The following GUCY1B1 variants were observed in gnomAD, a reference collection of about 807,000 sequenced individuals.
The protein encoded by GUCY1B1 is guanylate cyclase 1 soluble subunit beta 1, also known as guanylate cyclase soluble subunit beta-1.
A neutral mutation model predicts 71.0 loss-of-function variants in GUCY1B1; 43 were observed. The ratio of observed to expected loss-of-function variants is 0.61; its 90% CI spans 0.47 to 0.78. The LOEUF (loss-of-function observed/expected upper bound fraction) is 0.78, where lower values mean the gene tolerates loss of function less well. Among genes scored for constraint, GUCY1B1 ranks in the 30% least tolerant of loss-of-function variants. The probability of loss-of-function intolerance (pLI) is 0.00; values close to 1 mark genes in which losing one functional copy is unlikely to be tolerated. For missense variants in GUCY1B1, 535 were observed against 754.1 expected, an observed-to-expected ratio of 0.71 and a Z score of 3.40; for synonymous variants, 266 against 259.7, an observed-to-expected ratio of 1.02 and a Z score of -0.23.
At position 155,776,497 on chromosome 4, in the gene GUCY1B1, C is replaced by A. The variant is rs967215853; in HGVS notation, c.179-1027C>A. On this transcript the variant is annotated intron_variant, in intron 3 of 13. Coordinates refer to ENST00000264424, the MANE Select transcript of GUCY1B1 (RefSeq NM_000857.5). ...CCATCCTGGCCAACATGGTGAAACCCCCTCTCTACTAAAAATACAAAAATT... is the reference window on the plus strand; with the variant it reads ...CCATCCTGGCCAACATGGTGAAACCACCTCTCTACTAAAAATACAAAAATT... Among the ~76,000 whole-genome samples the A allele has an allele frequency of 5.9e-5, 9 of 151,954 alleles. 1 individual carries two copies. In the East Asian group the frequency reaches 1.7e-3, roughly 29 times the overall value.
At chr4:155,791,753 A>AT (rs545099990) in intron 5 of GUCY1B1, among the ~76,000 whole-genome samples, 61 of 138,874 alleles carry the variant, frequency 4.4e-4, no homozygotes, top group African/African-American at 1.6e-3. Flanking sequence ...GAAAAAAAAA[A>AT]AAATAAAGCA....
At chr4:155,780,336 C>T (rs1738329382) in intron 4 of GUCY1B1, among the ~76,000 whole-genome samples, 1 of 152,150 alleles carries the variant, frequency 6.6e-6, no homozygotes, top group Non-Finnish European at 1.5e-5. Context: ...CCAGCACTTT[C>T]CCCATAGATA....
chr4:155,774,939 CTTCT>C, intron 2 of GUCY1B1, 25 bp from the exon 3 acceptor site: 1 of 1,147,374 alleles, frequency 8.7e-7, no homozygotes, highest in Admixed American at 1.7e-5. Context: ...CAACTTTTCT[CTTCT>C]GTCTTTCTTG....
At chr4:155,778,916 C>T (rs1319225139) in intron 4 of GUCY1B1, among the ~76,000 whole-genome samples, 1 of 151,888 alleles carries the variant, frequency 6.6e-6, no homozygotes, top group Non-Finnish European at 1.5e-5. Flanking sequence ...AACTCTCTCT[C>T]TCAATGCCCA....
intron 2 of GUCY1B1, among the ~76,000 whole-genome samples, chr4:155,774,249 C>T (rs1041244058): frequency 6.6e-6 from 1 of 152,128 alleles, no homozygotes; most frequent in African/African-American, 2.4e-5. Context: ...ACTTTTCCCC[C>T]TCCTCTGTTC....
intron 4 of GUCY1B1, among the ~76,000 whole-genome samples, chr4:155,788,867 A>C (rs1738970852): frequency 6.6e-6 from 1 of 152,112 alleles, no homozygotes; most frequent in Non-Finnish European, 1.5e-5. Context: ...GCACACACAC[A>C]CACACCCCAA....
intron 9 of GUCY1B1, 105 bp downstream of exon 9, chr4:155,800,179 C>T (rs994295902): frequency 4.8e-6 from 3 of 630,222 alleles, no homozygotes; most frequent in Non-Finnish European, 5.3e-6. Flanking sequence ...CCTGTAATAG[C>T]TCTGGTGTAG....
At chr4:155,788,094 C>T (rs1252736385) in intron 4 of GUCY1B1, among the ~76,000 whole-genome samples, 1 of 152,152 alleles carries the variant, frequency 6.6e-6, no homozygotes, top group Non-Finnish European at 1.5e-5. Context: ...AAGTGCTTAA[C>T]ACAAATTTAT....
intron 5 of GUCY1B1, among the ~76,000 whole-genome samples, chr4:155,792,759 C>T (rs889796849): frequency 1.3e-5 from 2 of 151,964 alleles, no homozygotes; most frequent in Admixed American, 6.6e-5. Context: ...CGAGTTTTCC[C>T]TTTGTAAGAG....
chr4:155,782,044 T>A (rs191025329), intron 4 of GUCY1B1, among the ~76,000 whole-genome samples: 6 of 152,078 alleles, frequency 3.9e-5, no homozygotes, highest in Non-Finnish European at 8.8e-5. Context: ...ATTGCTATAG[T>A]CAATGTCTTT....
At chr4:155,775,612 A>G (rs1187616622) in intron 3 of GUCY1B1, among the ~76,000 whole-genome samples, 2 of 152,276 alleles carry the variant, frequency 1.3e-5, no homozygotes, top group South Asian at 2.1e-4. Flanking sequence ...TGTCTCCCCC[A>G]ACAGAAAGCC....
At chr4:155,804,496 T>A in intron 11 of GUCY1B1, 97 bp from the exon 12 acceptor site, 1 of 912,668 alleles carries the variant, frequency 1.1e-6, no homozygotes. Flanking sequence ...AACCTGCACC[T>A]TCTGCACCTG....
At chr4:155,769,801 C>G (rs1737575136) in intron 2 of GUCY1B1, among the ~76,000 whole-genome samples, 2 of 151,968 alleles carry the variant, frequency 1.3e-5, no homozygotes, top group South Asian at 2.1e-4. Flanking sequence ...TGTGGTTTTT[C>G]TCACATGTAA....
chr4:155,804,532 A>T (rs1199650181), intron 11 of GUCY1B1, 61 bp from the exon 12 acceptor site: 6 of 1,409,070 alleles, frequency 4.3e-6, no homozygotes, highest in Middle Eastern at 1.8e-4. Context: ...AGTAAAATAA[A>T]AAAAAAAAAA....
At chr4:155,794,173 C>T in intron 6 of GUCY1B1, 87 bp downstream of exon 6, 1 of 711,596 alleles carries the variant, frequency 1.4e-6, no homozygotes, top group Non-Finnish European at 2.4e-6. Flanking sequence ...TCATTTAACC[C>T]TCTGACTATG....
chr4:155,783,903 T>C (rs531748891), intron 4 of GUCY1B1, among the ~76,000 whole-genome samples: 194 of 152,264 alleles, frequency 1.3e-3, no homozygotes, highest in Non-Finnish European at 2.2e-3. Context: ...ATAATAAAAA[T>C]AGTTTTATTT....
chr4:155,792,059 G>C (rs1316322596), intron 5 of GUCY1B1, among the ~76,000 whole-genome samples: 1 of 152,042 alleles, frequency 6.6e-6, no homozygotes, highest in Non-Finnish European at 1.5e-5. Flanking sequence ...ATTTATTCAA[G>C]TGCTTCAATA....
chr4:155,785,182 C>A, intron 4 of GUCY1B1: 6 of 587,930 alleles, frequency 1.0e-5, no homozygotes, highest in South Asian at 4.5e-5. Flanking sequence ...AAATTAAAAC[C>A]TTTAGGTATC....
intron 6 of GUCY1B1, among the ~76,000 whole-genome samples, chr4:155,794,430 A>G (rs1287123716): frequency 3.9e-5 from 6 of 152,188 alleles, no homozygotes; most frequent in South Asian, 2.1e-4. Context: ...GATATCTACC[A>G]TCTGTAAATA....
Sources: gnomAD v4.1 joint callset for allele counts (sites outside exome capture counted in the v4.1 genomes callset) on GRCh38, gnomAD v4.1.1 for gene constraint, MANE v1.5 for transcripts, NCBI Gene and HGNC (gene_info 2026-07-23, HGNC 2026-07-21) for gene names.